Variants in CCDC93 observed in about 807,000 individuals in gnomAD.
CCDC93 encodes coiled-coil domain-containing protein 93.
In CCDC93, 61 loss-of-function variants were observed where a neutral mutation model predicts 108.2. The observed-to-expected ratio is 0.56, with a 90% CI of 0.46 to 0.70. The LOEUF is 0.70. CCDC93 is among the 30% of genes least tolerant of loss of function. The pLI, the probability that CCDC93 is intolerant of heterozygous loss-of-function variation, is 0.00. For missense variants in CCDC93, 685 were observed against 764.2 expected (o/e 0.90, Z 1.22); for synonymous variants, 276 against 260.4 (o/e 1.06, Z -0.58).
chr2:117,920,873 G>T (rs777469935), intron 23 of CCDC93, among the ~76,000 whole-genome samples: 13 of 152,134 alleles, frequency 8.5e-5, no homozygotes, highest in Non-Finnish European at 1.6e-4. Flanking sequence ...CAGAAAATAG[G>T]ATAAGAGATA....
At chr2:117,933,246 G>T (rs1678403487) in intron 22 of CCDC93, among the ~76,000 whole-genome samples, 1 of 152,230 alleles carries the variant, frequency 6.6e-6, no homozygotes, top group African/African-American at 2.4e-5. Flanking sequence ...CTGGTCTATA[G>T]TAGCTGCTCA....
At chr2:117,996,067 G>C (rs2104815041) in intron 5 of CCDC93, among the ~76,000 whole-genome samples, 197 bp downstream of exon 5, 1 of 152,178 alleles carries the variant, frequency 6.6e-6, no homozygotes, top group South Asian at 2.1e-4. Flanking sequence ...AAAAGCTCTA[G>C]ATCAAACACT....
intron 12 of CCDC93, among the ~76,000 whole-genome samples, chr2:117,952,684 G>T (rs972862693): frequency 6.6e-6 from 1 of 152,136 alleles, no homozygotes; most frequent in African/African-American, 2.4e-5. Context: ...AGTGAAAAAA[G>T]ACACTTTTCT....
intron 1 of CCDC93, 115 bp downstream of exon 1, chr2:118,013,839 G>A (rs1200570519): frequency 1.1e-6 from 1 of 925,482 alleles, no homozygotes; most frequent in South Asian, 1.8e-5. Context: ...GGATACGCCT[G>A]AGGAAGGGGG....
intron 11 of CCDC93, among the ~76,000 whole-genome samples, chr2:117,969,688 A>G (rs1422396363): frequency 6.6e-6 from 1 of 152,226 alleles, no homozygotes; most frequent in Non-Finnish European, 1.5e-5. Context: ...AGACAAGGCC[A>G]CCCTATGACT....
chr2:117,925,962 C>A (rs1023470024), intron 23 of CCDC93, among the ~76,000 whole-genome samples: 2 of 152,134 alleles, frequency 1.3e-5, no homozygotes, highest in Admixed American at 6.5e-5. Flanking sequence ...GGATTAAGAA[C>A]CTCACTCAAA....
intron 11 of CCDC93, among the ~76,000 whole-genome samples, chr2:117,961,783 T>C (rs76562686): frequency 4.6e-4 from 70 of 152,340 alleles, no homozygotes; most frequent in Non-Finnish European, 7.6e-4. Context: ...AGGGGCTTTA[T>C]ACTAAATCCT....
chr2:118,009,687 C>A (rs1194873224), intron 1 of CCDC93, among the ~76,000 whole-genome samples: 2 of 151,836 alleles, frequency 1.3e-5, no homozygotes, highest in Non-Finnish European at 2.9e-5. Context: ...AACAAACAAA[C>A]AAAAAAAGTT....
Position 118,006,826 on chromosome 2 carries a change from A to G in CCDC93, c.157-10T>C. On this transcript the variant is annotated splice_polypyrimidine_tract_variant and intron_variant, in intron 2 of 23. Coordinates refer to ENST00000376300, the MANE Select transcript of CCDC93 (RefSeq NM_019044.5). Reference sequence around the variant, plus strand: ...TCATTCCTCCTACTACCTGCAAGACATAAAGAAAATATTTGTTTTCTCTTT... The same window carrying G: ...TCATTCCTCCTACTACCTGCAAGACGTAAAGAAAATATTTGTTTTCTCTTT... The G allele has an allele frequency of 6.5e-7, 1 of 1,537,126 alleles. No individual in the cohort carries two copies. The highest frequency in any genetic ancestry group is 1.1e-5 in the South Asian group (1 of 89,052).
intron 2 of CCDC93, 150 bp from the exon 3 acceptor site, chr2:118,006,966 C>A (rs1341991198): frequency 1.1e-5 from 7 of 613,724 alleles, no homozygotes; most frequent in Non-Finnish European, 2.1e-5. Flanking sequence ...GTCCTCCTTA[C>A]CCCATCAAGT....
At chr2:117,992,582 C>T (rs1015149246) in intron 6 of CCDC93, among the ~76,000 whole-genome samples, 13 of 152,050 alleles carry the variant, frequency 8.5e-5, no homozygotes, top group African/African-American at 2.4e-4. Flanking sequence ...TCATCAGCTG[C>T]GAACACCATT....
intron 3 of CCDC93, among the ~76,000 whole-genome samples, chr2:118,002,591 G>C (rs974239624): frequency 6.6e-6 from 1 of 152,192 alleles, no homozygotes; most frequent in African/African-American, 2.4e-5. Flanking sequence ...AAAAAATATG[G>C]AAGGGGGGAG....
At chr2:117,961,679 T>C (rs548324329) in intron 11 of CCDC93, among the ~76,000 whole-genome samples, 170 of 152,284 alleles carry the variant, frequency 1.1e-3, no homozygotes, top group Non-Finnish European at 1.9e-3. Context: ...CATCTAATGG[T>C]TCATTCACTG....
chr2:117,922,429 G>A (rs957937536), intron 23 of CCDC93, among the ~76,000 whole-genome samples: 2 of 149,232 alleles, frequency 1.3e-5, no homozygotes, highest in Admixed American at 1.3e-4. Flanking sequence ...GTGCCAGACA[G>A]AGAGCTAAGT....
intron 11 of CCDC93, among the ~76,000 whole-genome samples, chr2:117,966,739 C>T (rs183055326): frequency 1.6e-3 from 249 of 152,300 alleles, no homozygotes; most frequent in African/African-American, 5.7e-3. Context: ...AATTATCTGG[C>T]GAGATTCCCC....
At chr2:118,004,542 A>G (rs757759858) in intron 3 of CCDC93, among the ~76,000 whole-genome samples, 43 of 152,262 alleles carry the variant, frequency 2.8e-4, no homozygotes, top group South Asian at 6.2e-4. Context: ...GACGGCAAAC[A>G]TAAGGCAGTT....
chr2:118,003,201 C>T (rs1676759963), intron 3 of CCDC93, among the ~76,000 whole-genome samples: 1 of 152,174 alleles, frequency 6.6e-6, no homozygotes, highest in South Asian at 2.1e-4. Flanking sequence ...AGTGGTTGTC[C>T]AGGTCTGCTT....
At chr2:117,988,111 A>C (rs983814094) in intron 6 of CCDC93, among the ~76,000 whole-genome samples, 13 of 151,082 alleles carry the variant, frequency 8.6e-5, no homozygotes, top group African/African-American at 2.9e-4. Flanking sequence ...ATATATATAT[A>C]TCAGATATAT....
intron 23 of CCDC93, among the ~76,000 whole-genome samples, chr2:117,924,974 A>G (rs1049587967): frequency 1.3e-5 from 2 of 152,246 alleles, no homozygotes; most frequent in Non-Finnish European, 2.9e-5. Context: ...CCAATATTCA[A>G]CATTCCTAAA....
Sources: allele counts gnomAD v4.1 joint callset (sites outside exome capture counted in the v4.1 genomes callset), GRCh38; gene constraint gnomAD v4.1.1; transcripts MANE v1.5; gene names NCBI Gene and HGNC (gene_info 2026-07-23, HGNC 2026-07-21).